RBM20: variants seen among roughly 807,000 people sequenced by gnomAD.
The protein encoded by RBM20 is RNA binding motif protein 20, also known as RNA-binding protein 20.
In RBM20, 51 loss-of-function variants were observed where a neutral mutation model predicts 110.1. The ratio of observed to expected loss-of-function variants is 0.46; its 90% CI spans 0.37 to 0.59. The LOEUF is 0.59. Ranked by LOEUF, RBM20 falls within the 20% of genes least tolerant of loss-of-function variation. The pLI, the probability that RBM20 is intolerant of heterozygous loss-of-function variation, is 0.00. For synonymous variants in RBM20, 589 were observed against 618.2 expected, an observed-to-expected ratio of 0.95 and a Z score of 0.70; for missense variants, 1,512 against 1,574.9, an observed-to-expected ratio of 0.96 and a Z score of 0.68.
intron 1 of RBM20, among the ~76,000 whole-genome samples, chr10:110,738,782 C>G (rs1352971925): frequency 6.6e-6 from 1 of 152,080 alleles, no homozygotes; most frequent in Non-Finnish European, 1.5e-5. Flanking sequence ...GCCAAGGTGC[C>G]AGAGCATGGA....
At chr10:110,690,632 A>G (rs923388723) in intron 1 of RBM20, among the ~76,000 whole-genome samples, 1 of 152,088 alleles carries the variant, frequency 6.6e-6, no homozygotes, top group African/African-American at 2.4e-5. Context: ...TATAAGTAAA[A>G]CCATACAATA....
chr10:110,649,122 T>C (rs945531595), intron 1 of RBM20, among the ~76,000 whole-genome samples: 3 of 152,206 alleles, frequency 2.0e-5, no homozygotes, highest in Non-Finnish European at 2.9e-5. Context: ...TCTGATCTGT[T>C]AAGATCTCTT....
At chr10:110,828,083 A>T (rs1359286765) in intron 12 of RBM20, among the ~76,000 whole-genome samples, 1 of 152,196 alleles carries the variant, frequency 6.6e-6, no homozygotes, top group African/African-American at 2.4e-5. Flanking sequence ...GTAGAAACAA[A>T]CAGCATCGCC....
chr10:110,771,913 C>T (rs1844198933), intron 1 of RBM20, among the ~76,000 whole-genome samples: 2 of 152,144 alleles, frequency 1.3e-5, no homozygotes, highest in South Asian at 4.1e-4. Context: ...AAACCAAATG[C>T]TTTGCATAGC....
chr10:110,832,071 CTT>C (rs1454037268), intron 13 of RBM20, among the ~76,000 whole-genome samples: 1 of 152,070 alleles, frequency 6.6e-6, no homozygotes, highest in Non-Finnish European at 1.5e-5. Flanking sequence ...AAAAATGTGT[CTT>C]GAGATCAATG....
intron 9 of RBM20, among the ~76,000 whole-genome samples, chr10:110,813,573 G>A (rs1299832791): frequency 6.6e-6 from 1 of 152,106 alleles, no homozygotes; most frequent in African/African-American, 2.4e-5. Context: ...AGTGGCTCAT[G>A]CCTGTAATCC....
chr10:110,770,091 C>T (rs1844166529), intron 1 of RBM20, among the ~76,000 whole-genome samples: 1 of 152,158 alleles, frequency 6.6e-6, no homozygotes, highest in African/African-American at 2.4e-5. Flanking sequence ...CAAGGTGCAG[C>T]ATCAGCCTCA....
chr10:110,772,207 A>T (rs1844202749), intron 1 of RBM20, among the ~76,000 whole-genome samples: 1 of 152,246 alleles, frequency 6.6e-6, no homozygotes. Context: ...CTGTGGGTCC[A>T]TCTGGGAAAT....
intron 7 of RBM20, 48 bp downstream of exon 7, chr10:110,799,966 G>A: frequency 6.5e-7 from 1 of 1,533,198 alleles, no homozygotes; most frequent in Non-Finnish European, 8.8e-7. Context: ...CACCAGATGA[G>A]TTTCTCCTCC....
chr10:110,831,019 T>A lies in RBM20; in HGVS notation c.3452-42T>A, dbSNP rs1406506194. On this transcript the variant is annotated intron_variant, in intron 12 of 13. Transcript: ENST00000369519. ...CCAGGACACAGGGGCCTGCCTCCCA[T>A]GCCATCCTAACCCTGCGTGTCTATC... The A allele has an allele frequency of 5.3e-6, 8 of 1,519,268 alleles. No individual in the cohort carries two copies. In the East Asian group the frequency reaches 1.7e-4, roughly 33 times the overall value. The allele number at this position is 1,519,268 out of a possible 1,614,324, so 94.1% of individuals were successfully genotyped here.
intron 5 of RBM20, among the ~76,000 whole-genome samples, chr10:110,788,189 T>A (rs1304645667): frequency 6.6e-6 from 1 of 152,164 alleles, no homozygotes; most frequent in East Asian, 1.9e-4. Context: ...GCTGTGATCC[T>A]CCTCTTTAGT....
At chr10:110,658,792 C>T (rs1475632472) in intron 1 of RBM20, among the ~76,000 whole-genome samples, 1 of 152,056 alleles carries the variant, frequency 6.6e-6, no homozygotes, top group Non-Finnish European at 1.5e-5. Context: ...ACTTCCTGTC[C>T]TCTCTTGGCT....
chr10:110,808,793 A>G (rs1030916991), intron 7 of RBM20, among the ~76,000 whole-genome samples: 1 of 152,082 alleles, frequency 6.6e-6, no homozygotes, highest in African/African-American at 2.4e-5. Context: ...TCTCAACAAT[A>G]ACAGATAATC....
chr10:110,701,763 C>T (rs1862760809), intron 1 of RBM20, among the ~76,000 whole-genome samples: 1 of 152,200 alleles, frequency 6.6e-6, no homozygotes, highest in Non-Finnish European at 1.5e-5. Flanking sequence ...CTGAAAATCT[C>T]CCAAGCCTGA....
At position 110,784,784 on chromosome 10, in the gene RBM20, T is replaced by C; in HGVS notation, c.1430-8T>C. On this transcript the variant is annotated splice_polypyrimidine_tract_variant and splice_region_variant and intron_variant, in intron 4 of 13. Coordinates refer to ENST00000369519, the MANE Select transcript of RBM20 (RefSeq NM_001134363.3). ...GTTTTCACTGACTTTGTGTAATTCA[T>C]CATTTAGATTATGCCTCAAATCTTG... 5.3e-6 allele frequency: 8 copies of C among 1,523,192 alleles called. No homozygotes were observed. Among genetic ancestry groups the C allele is most frequent in the Non-Finnish European group, 7.1e-6 (8 of 1,120,940 alleles). 94.4% of individuals were successfully genotyped at this position (1,523,192 alleles called of 1,614,324 possible).
chr10:110,752,934 TA>T (rs1178079882), intron 1 of RBM20, among the ~76,000 whole-genome samples: 1 of 72,310 alleles, frequency 1.4e-5, no homozygotes, highest in Admixed American at 1.4e-4. Flanking sequence ...TATATATATA[TA>T]TATATATATA....
chr10:110,716,924 A>G (rs200326337), intron 1 of RBM20, among the ~76,000 whole-genome samples: 81 of 28,466 alleles, frequency 2.8e-3, no homozygotes, highest in East Asian at 0.5. Flanking sequence ...AAAAAAAAAG[A>G]AAAAAAAAAA....
intron 1 of RBM20, among the ~76,000 whole-genome samples, chr10:110,728,348 G>A (rs538060837): frequency 6.6e-6 from 1 of 152,048 alleles, no homozygotes; most frequent in South Asian, 2.1e-4. Context: ...GTAGCCCAAG[G>A]TCCCCACTCT....
In RBM20 at chr10:110,644,468, C is replaced by T. The variant is rs1488746272; in HGVS notation, c.14C>T (p.Ala5Val). 8.6e-6 allele frequency: 13 copies of T among 1,514,302 alleles called. No individual in the cohort carries two copies. The highest frequency in any genetic ancestry group is 8.3e-5 in the Admixed American group (4 of 47,984). 93.8% of individuals were successfully genotyped at this position (1,514,302 alleles called of 1,614,324 possible). Residue 5 changes from alanine (A) to valine (V), a missense_variant, in exon 1 of 14, where the codon GCA becomes GTA. Physicochemically the swap from Ala to Val is moderately conservative, Grantham distance 64. Coordinates refer to ENST00000369519, the MANE Select transcript of RBM20 (RefSeq NM_001134363.3). This position sits in a 1 kb window ranked among gnomAD's most constrained non-coding sequence, Gnocchi z 4.3. The stretch of plus-strand genomic sequence containing the variant: ...GTCTCGCCCCGCATGGTGCTGGCAG[C>T]AGCCATGAGCCAGGACGCGGACCCC... MVLA[A>V]AMSQDADPSG...
Sources: allele counts gnomAD v4.1 joint callset (sites outside exome capture counted in the v4.1 genomes callset), GRCh38; gene constraint gnomAD v4.1.1; non-coding constraint Gnocchi (gnomAD v3.1); transcripts MANE v1.5; gene names NCBI Gene and HGNC (gene_info 2026-07-23, HGNC 2026-07-21).